The following USP31 variants were observed in gnomAD, a reference collection of about 807,000 sequenced individuals.
USP31 encodes ubiquitin carboxyl-terminal hydrolase 31.
USP31 carries 44 observed loss-of-function variants against 119.4 expected under a neutral mutation model. That is an observed-to-expected ratio of 0.37 (90% confidence interval 0.29 to 0.47). The LOEUF is 0.47. USP31 is among the 20% of genes least tolerant of loss of function. The probability of loss-of-function intolerance (pLI) is 0.99; values close to 1 mark genes in which losing one functional copy is unlikely to be tolerated. For synonymous variants in USP31, 749 were observed against 705.6 expected (o/e 1.06, Z -0.97); for missense variants, 1,643 against 1,730.2 (o/e 0.95, Z 0.89).
At chr16:23,091,770 G>GA in intron 6 of USP31, among the ~76,000 whole-genome samples, 1 of 151,960 alleles carries the variant, frequency 6.6e-6, no homozygotes, top group Non-Finnish European at 1.5e-5. Flanking sequence ...CTAGAAATAA[G>GA]AAAAAAGCTG....
intron 1 of USP31, among the ~76,000 whole-genome samples, chr16:23,111,452 G>C (rs902217788): frequency 6.6e-6 from 1 of 152,202 alleles, no homozygotes; most frequent in Non-Finnish European, 1.5e-5. Flanking sequence ...AGGAAGTCCA[G>C]GAAAGAGTTC....
chr16:23,083,319 G>C (rs1240143064), intron 11 of USP31, among the ~76,000 whole-genome samples: 5 of 152,034 alleles, frequency 3.3e-5, no homozygotes, highest in Admixed American at 1.3e-4. Context: ...CCTCCTCCAG[G>C]AACTTTGCTT....
rs375195313 is a variant in USP31, at chr16:23,069,482, T to C, written c.2623A>G (p.Met875Val). ...AATCGGGATGGAGAATTGGAGCGCA[T>C]CTGCAGCTTAGCAGACAGGGACCAT... ...PSWSLSAKLQ[M>V]RSNSPSRFSG... Residue 875 changes from methionine (M) to valine (V), a missense_variant, in exon 16 of 16, where the codon ATG becomes GTG. Coordinates refer to ENST00000219689, the MANE Select transcript of USP31 (RefSeq NM_020718.4). 3 of 1,614,106 alleles carry C rather than the reference T, an allele frequency of 1.9e-6. No homozygotes were observed. Among genetic ancestry groups the C allele is most frequent in the Non-Finnish European group, 2.5e-6 (3 of 1,180,046 alleles).
chr16:23,124,826 T>C (rs1596728750), intron 1 of USP31, among the ~76,000 whole-genome samples: 1 of 151,814 alleles, frequency 6.6e-6, no homozygotes, highest in Non-Finnish European at 1.5e-5. Flanking sequence ...GAGGTGGAGG[T>C]TGCAATGAGC....
intron 6 of USP31, among the ~76,000 whole-genome samples, chr16:23,101,318 T>C (rs925874283): frequency 6.6e-5 from 10 of 151,948 alleles, no homozygotes; most frequent in East Asian, 1.9e-4. Flanking sequence ...AAGAGGAGGA[T>C]AGTAGTGCCA....
chr16:23,130,020 C>T lies in USP31; in HGVS notation c.633+18618G>A, dbSNP rs1281222028. 2.6e-5 allele frequency among the ~76,000 whole-genome samples: 4 copies of T among 152,302 alleles called. No individual in the cohort carries two copies. In the East Asian group the frequency reaches 7.7e-4, roughly 29 times the overall value. ...TATTAGGCACTTTACATACATTTCT[C>T]ACCTATTCCTGATTATCAGTCCTAT... On this transcript the variant is annotated intron_variant, in intron 1 of 15. Transcript: ENST00000219689.
chr16:23,133,357 C>T (rs774609340), intron 1 of USP31, among the ~76,000 whole-genome samples: 3 of 152,182 alleles, frequency 2.0e-5, no homozygotes, highest in Non-Finnish European at 4.4e-5. Flanking sequence ...GTGCCACGTT[C>T]CTCTCAGATT....
At chr16:23,102,191 A>G in intron 6 of USP31, 128 bp downstream of exon 6, 1 of 1,069,420 alleles carries the variant, frequency 9.4e-7, no homozygotes, top group Non-Finnish European at 1.3e-6. Flanking sequence ...ACCATCATTA[A>G]AAAATCATGT....
intron 1 of USP31, among the ~76,000 whole-genome samples, chr16:23,132,983 A>C (rs1903074887): frequency 6.6e-6 from 1 of 152,218 alleles, no homozygotes. Flanking sequence ...AAGTCAGAAG[A>C]AAGCAGCAAG....
chr16:23,148,597 G>C, intron 1 of USP31, 41 bp downstream of exon 1: 2 of 1,420,694 alleles, frequency 1.4e-6, no homozygotes, highest in Non-Finnish European at 1.8e-6. Context: ...GTGCCCCAGG[G>C]GCTCGGGGTG....
rs1051318039 is a variant in USP31 at position 23,064,810 on chromosome 16, C to G, written c.*3236G>C. The stretch of plus-strand genomic sequence containing the variant: ...TGCCTCTGTGCTCAAAGAAGGCCCT[C>G]CATAAACGTTTGCAGAATGAATGAT... On this transcript the variant is annotated 3_prime_UTR_variant, in exon 16 of 16. Coordinates refer to ENST00000219689, the MANE Select transcript of USP31 (RefSeq NM_020718.4). 2.7e-5 allele frequency: 4 copies of G among 150,500 alleles called. No homozygotes were observed. The highest frequency in any genetic ancestry group is 5.9e-5 in the Non-Finnish European group (4 of 67,496). The allele number at this position is 150,500 out of a possible 1,614,324, so 9.3% of individuals were successfully genotyped here.
At chr16:23,143,653 G>GAAGTAAAA (rs1903420846) in intron 1 of USP31, among the ~76,000 whole-genome samples, 1 of 152,090 alleles carries the variant, frequency 6.6e-6, no homozygotes, top group Admixed American at 6.6e-5. Context: ...AAAGGCTGGG[G>GAAGTAAAA]AAGTAAAAGG....
chr16:23,082,692 T>A, intron 11 of USP31, 135 bp from the exon 12 acceptor site: 1 of 1,230,136 alleles, frequency 8.1e-7, no homozygotes, highest in Non-Finnish European at 1.1e-6. Context: ...ATCAATGGAA[T>A]AACACAATCA....
intron 1 of USP31, among the ~76,000 whole-genome samples, chr16:23,138,571 A>T (rs1343528022): frequency 6.6e-6 from 1 of 152,208 alleles, no homozygotes; most frequent in Non-Finnish European, 1.5e-5. Context: ...ATTCTGCAAC[A>T]TGGCACCGAA....
chr16:23,123,304 G>A (rs952662896), intron 1 of USP31, among the ~76,000 whole-genome samples: 8 of 152,236 alleles, frequency 5.3e-5, no homozygotes, highest in East Asian at 1.9e-4. Context: ...CTGGGAGGCC[G>A]AGGTGGATGG....
At chr16:23,099,756 G>A (rs548185480) in intron 6 of USP31, among the ~76,000 whole-genome samples, 1 of 152,220 alleles carries the variant, frequency 6.6e-6, no homozygotes, top group East Asian at 1.9e-4. Flanking sequence ...CCACAGAATG[G>A]GAGAAAATAT....
At chr16:23,122,403 C>T (rs780755223) in intron 1 of USP31, among the ~76,000 whole-genome samples, 5 of 152,232 alleles carry the variant, frequency 3.3e-5, no homozygotes, top group East Asian at 1.9e-4. Context: ...AAGTGCCTGA[C>T]GGCTCCTCAA....
chr16:23,110,911 G>A (rs1362643809), intron 1 of USP31, among the ~76,000 whole-genome samples: 4 of 152,190 alleles, frequency 2.6e-5, no homozygotes, highest in Admixed American at 6.5e-5. Flanking sequence ...GGTGGATCAC[G>A]AGGTCAGGAG....
intron 7 of USP31, among the ~76,000 whole-genome samples, chr16:23,089,337 T>G (rs1474083314): frequency 6.6e-6 from 1 of 152,118 alleles, no homozygotes; most frequent in African/African-American, 2.4e-5. Flanking sequence ...CATTCTAGTC[T>G]GTTTTAATGC....
Sources: allele counts gnomAD v4.1 joint callset (sites outside exome capture counted in the v4.1 genomes callset), GRCh38; gene constraint gnomAD v4.1.1; transcripts MANE v1.5; gene names NCBI Gene and HGNC (gene_info 2026-07-23, HGNC 2026-07-21).